Variants in CRTC1 observed in about 807,000 individuals in gnomAD.
CRTC1 encodes CREB regulated transcription coactivator 1, also known as CREB-regulated transcription coactivator 1.
A neutral mutation model predicts 66.1 loss-of-function variants in CRTC1; 18 were observed. The observed-to-expected ratio is 0.27, with a 90% confidence interval of 0.19 to 0.40. The LOEUF (loss-of-function observed/expected upper bound fraction) is 0.40. CRTC1 is among the 10% of genes least tolerant of loss of function. The probability of loss-of-function intolerance (pLI) is 1.00; values close to 1 mark genes in which losing one functional copy is unlikely to be tolerated. For missense variants in CRTC1, 669 were observed against 887.9 expected, an observed-to-expected ratio of 0.75 and a Z score of 3.13; for synonymous variants, 416 against 398.8, an observed-to-expected ratio of 1.04 and a Z score of -0.51.
In CRTC1 at chr19:18,727,600, A is replaced by AAAAAAAAAAAG. The variant is rs1245345054; in HGVS notation, c.127-15310_127-15309insAAAAAAAAAAG. ...TGTCTCAAAAAAAAAAAAAAAAAGA[A>AAAAAAAAAAAG]GAAGAAAGGGAAAAGGACACAAGCA... On this transcript the variant is annotated intron_variant, in intron 1 of 13. Coordinates refer to ENST00000321949, the MANE Select transcript of CRTC1 (RefSeq NM_015321.3). Among the ~76,000 whole-genome samples the AAAAAAAAAAAG allele has an allele frequency of 2.1e-3, 314 of 149,782 alleles. 3 individuals carry two copies. Among genetic ancestry groups the AAAAAAAAAAAG allele is most frequent in the African/African-American group, 6.6e-3 (267 of 40,458 alleles).
chr19:18,698,396 A>G (rs551070385), intron 1 of CRTC1, among the ~76,000 whole-genome samples: 3 of 148,886 alleles, frequency 2.0e-5, no homozygotes, highest in African/African-American at 7.5e-5. Flanking sequence ...GTTTGTACTC[A>G]GCAGGCGCTC....
intron 1 of CRTC1, among the ~76,000 whole-genome samples, chr19:18,696,186 A>G (rs1481667147): frequency 6.6e-6 from 1 of 152,196 alleles, no homozygotes; most frequent in Admixed American, 6.5e-5. Flanking sequence ...AGGTTGGACT[A>G]ACCCCGCAGC....
chr19:18,691,450 A>G (rs1474476226), intron 1 of CRTC1, among the ~76,000 whole-genome samples: 3 of 145,932 alleles, frequency 2.1e-5, no homozygotes, highest in African/African-American at 7.5e-5. Context: ...TGAGCCCAAG[A>G]GTTAAGGCTG....
intron 1 of CRTC1, among the ~76,000 whole-genome samples, chr19:18,687,011 C>CTTTTTTTT (rs35032428): frequency 9.7e-6 from 1 of 103,434 alleles, no homozygotes; most frequent in Non-Finnish European, 1.8e-5. Flanking sequence ...GACTGAGAAA[C>CTTTTTTTT]TTTTTTTTTT....
chr19:18,769,809 G>A (rs904727323), intron 10 of CRTC1, among the ~76,000 whole-genome samples: 1 of 152,122 alleles, frequency 6.6e-6, no homozygotes, highest in Admixed American at 6.5e-5. Context: ...CAACAAAGAC[G>A]GCTTCCTGCC....
At chr19:18,733,535 G>A (rs894173725) in intron 1 of CRTC1, among the ~76,000 whole-genome samples, 2 of 152,204 alleles carry the variant, frequency 1.3e-5, no homozygotes, top group Non-Finnish European at 2.9e-5. Flanking sequence ...AGGCAGCAGG[G>A]GAGTGTCTCC....
intron 8 of CRTC1, among the ~76,000 whole-genome samples, chr19:18,762,227 C>T (rs938002452): frequency 5.1e-4 from 78 of 152,352 alleles, no homozygotes; most frequent in Non-Finnish European, 9.6e-4. Context: ...CCGGGAGCTG[C>T]GCACCTCCAG....
At chr19:18,732,982 G>A (rs967581042) in intron 1 of CRTC1, among the ~76,000 whole-genome samples, 4 of 151,978 alleles carry the variant, frequency 2.6e-5, no homozygotes, top group African/African-American at 9.7e-5. Flanking sequence ...AACTACTCGG[G>A]AGGCTGAGGC....
chr19:18,745,958 C>G lies in CRTC1; in HGVS notation c.379C>G (p.Gln127Glu). 1 of 1,607,200 alleles carries G rather than the reference C, an allele frequency of 6.2e-7. No homozygotes were observed. The highest frequency in any genetic ancestry group is 1.1e-5 in the South Asian group (1 of 90,760). The stretch of plus-strand genomic sequence containing the variant: ...CCTGTCAGTGGACAAACACGGACGG[C>G]AGATATCCTTTTCACCAGAGGATGA... ...RPLSVDKHGR[Q>E]ADSCPYGTMY... Residue 127 changes from glutamine to glutamate, a missense_variant and splice_region_variant, in exon 3 of 14, where the codon CAG becomes GAG. Physicochemically the swap from Gln to Glu is conservative, Grantham distance 29 (BLOSUM62 2). Coordinates refer to ENST00000321949, the MANE Select transcript of CRTC1 (RefSeq NM_015321.3).
Position 18,742,954 on chromosome 19 carries a change from A to G in CRTC1, c.171A>G (p.Arg57=). 6.2e-7 allele frequency: 1 copy of G among 1,614,026 alleles called. No homozygotes were observed. Among genetic ancestry groups the G allele is most frequent in the Non-Finnish European group, 8.5e-7 (1 of 1,180,008 alleles). Residue 57 remains arginine, a synonymous_variant, in exon 2 of 14, where the codon CGA becomes CGG. Transcript: ENST00000321949. The part of the protein sequence containing the change: ...KSQYLQLGPS[R]GQYYGGSLPN... ...AGTACCTGCAACTGGGCCCCAGCCG[A>G]GGCCAGTACTATGGCGGGTCCCTGC... is the stretch of plus-strand genomic sequence containing the variant.
intron 1 of CRTC1, among the ~76,000 whole-genome samples, chr19:18,694,722 C>T (rs192145983): frequency 4.1e-4 from 63 of 152,278 alleles, no homozygotes; most frequent in African/African-American, 1.3e-3. Context: ...AGGTGTGAGT[C>T]ACTGCGCCAG....
intron 2 of CRTC1, 48 bp from the exon 3 acceptor site, chr19:18,745,775 C>A (rs780317339): frequency 6.2e-7 from 1 of 1,611,324 alleles, no homozygotes; most frequent in Non-Finnish European, 8.5e-7. Context: ...CAGCTGGTAA[C>A]CATTGTTTGG....
At chr19:18,769,293 C>T (rs548825303) in intron 10 of CRTC1, among the ~76,000 whole-genome samples, 2 of 152,352 alleles carry the variant, frequency 1.3e-5, no homozygotes, top group South Asian at 4.1e-4. Context: ...CTAGGGCCGG[C>T]TCAGGCAGAC....
chr19:18,714,308 AAC>A, intron 1 of CRTC1, among the ~76,000 whole-genome samples: 1 of 152,036 alleles, frequency 6.6e-6, no homozygotes. Context: ...CAACAAAACT[AAC>A]ACTCTTTTTT....
intron 8 of CRTC1, among the ~76,000 whole-genome samples, chr19:18,761,194 C>T (rs985646572): frequency 3.3e-5 from 5 of 152,240 alleles, no homozygotes; most frequent in Non-Finnish European, 5.9e-5. Flanking sequence ...CCGTCCCGGC[C>T]CTGGCCTCTA....
Position 18,779,972 on chromosome 19 carries a change from G to A in CRTC1, c.*2590G>A, listed in dbSNP as rs753659371. The A allele has an allele frequency of 7.9e-4, 182 of 229,122 alleles. No homozygotes were observed. Among genetic ancestry groups the A allele is most frequent in the Middle Eastern group, 2.6e-3 (2 of 766 alleles). The allele number at this position is 229,122 out of a possible 1,614,324, so 14.2% of individuals were successfully genotyped here. Reference sequence around the variant, plus strand: ...GGGCCTCCCAGGGGGTCTGTATCACGGCCTTTTGTGTGTGCGTACGTGTGG... The same window carrying A: ...GGGCCTCCCAGGGGGTCTGTATCACAGCCTTTTGTGTGTGCGTACGTGTGG... On this transcript the variant is annotated 3_prime_UTR_variant, in exon 14 of 14. Transcript: ENST00000321949.
intron 1 of CRTC1, among the ~76,000 whole-genome samples, chr19:18,713,657 T>C (rs2053441933): frequency 1.3e-5 from 2 of 149,168 alleles, no homozygotes; most frequent in Admixed American, 6.7e-5. Flanking sequence ...TCACCGCCGG[T>C]TGGCCTTAGC....
At chr19:18,737,258 T>TG (rs912932553) in intron 1 of CRTC1, among the ~76,000 whole-genome samples, 12 of 42,768 alleles carry the variant, frequency 2.8e-4, no homozygotes, top group East Asian at 5.2e-4. Context: ...AGGGGTCAGG[T>TG]GGGGGGGTAG....
chr19:18,693,490 T>G (rs1184019971), intron 1 of CRTC1, among the ~76,000 whole-genome samples: 1 of 151,300 alleles, frequency 6.6e-6, no homozygotes, highest in Non-Finnish European at 1.5e-5. Context: ...TTTTTGTTTT[T>G]TTTTTTTTTG....
Sources: gnomAD v4.1 joint callset for allele counts (sites outside exome capture counted in the v4.1 genomes callset) on GRCh38, gnomAD v4.1.1 for gene constraint, MANE v1.5 for transcripts, NCBI Gene and HGNC (gene_info 2026-07-23, HGNC 2026-07-21) for gene names.